NEBL: variants seen among roughly 807,000 people sequenced by gnomAD.
The protein encoded by NEBL is LIM and SH3 protein 2.
Under a neutral mutation model 140.2 loss-of-function variants are expected in NEBL, and 122 were observed. The observed-to-expected ratio is 0.87, with a 90% CI of 0.75 to 1.01. NEBL has a LOEUF of 1.01. Among genes scored for constraint, NEBL ranks in the 50% least tolerant of loss-of-function variants. The pLI, the probability that NEBL is intolerant of heterozygous loss-of-function variation, is 0.00. For synonymous variants in NEBL, 436 were observed against 398.9 expected, an observed-to-expected ratio of 1.09 and a Z score of -1.11; for missense variants, 1,365 against 1,231.3, an observed-to-expected ratio of 1.11 and a Z score of -1.62.
At chr10:20,871,027 T>A (rs1426676289) in intron 5 of NEBL, among the ~76,000 whole-genome samples, 1 of 152,214 alleles carries the variant, frequency 6.6e-6, no homozygotes, top group Non-Finnish European at 1.5e-5. Context: ...TATTTGGCAA[T>A]ATCCCCAGGG....
intron 23 of NEBL, chr10:20,813,641 A>G: frequency 3.2e-6 from 1 of 312,738 alleles, no homozygotes; most frequent in Non-Finnish European, 6.1e-6. Flanking sequence ...AACAGACCAA[A>G]TTTTGTCTTA....
chr10:20,799,717 A>G (rs953730719), intron 26 of NEBL, among the ~76,000 whole-genome samples: 3 of 152,220 alleles, frequency 2.0e-5, no homozygotes, highest in African/African-American at 7.2e-5. Flanking sequence ...ACCAATCAGT[A>G]GTCAGAAAAC....
At chr10:21,271,838 T>C (rs1240293355) in intron 1 of NEBL, among the ~76,000 whole-genome samples, 1 of 152,152 alleles carries the variant, frequency 6.6e-6, no homozygotes, top group Non-Finnish European at 1.5e-5. Flanking sequence ...GAATAGATCT[T>C]AAATGTTCCC....
intron 3 of NEBL, among the ~76,000 whole-genome samples, chr10:20,980,331 G>A (rs1836984873): frequency 7.2e-6 from 1 of 139,014 alleles, no homozygotes; most frequent in African/African-American, 2.7e-5. Flanking sequence ...TTTTGTTCCA[G>A]AACAAAAAGA....
chr10:21,141,320 T>A (rs968084733), intron 2 of NEBL, among the ~76,000 whole-genome samples: 9 of 152,184 alleles, frequency 5.9e-5, no homozygotes, highest in African/African-American at 2.2e-4. Flanking sequence ...AATGCCTTCG[T>A]TTTTAGGAAA....
intron 2 of NEBL, among the ~76,000 whole-genome samples, chr10:21,119,504 T>C (rs1838429193): frequency 6.7e-6 from 1 of 149,180 alleles, no homozygotes. Flanking sequence ...ATATAACATA[T>C]ATAGTTATAT....
intron 2 of NEBL, among the ~76,000 whole-genome samples, chr10:20,893,739 G>A (rs1182217417): frequency 6.6e-6 from 1 of 152,160 alleles, no homozygotes; most frequent in African/African-American, 2.4e-5. Flanking sequence ...AAGGGAAACG[G>A]CAAACTGAGA....
intron 11 of NEBL, among the ~76,000 whole-genome samples, chr10:20,850,012 G>T (rs1231834258): frequency 6.6e-6 from 1 of 151,920 alleles, no homozygotes; most frequent in African/African-American, 2.4e-5. Flanking sequence ...AAAAAAAAAG[G>T]GGGCCAGGTA....
chr10:20,828,143 T>G (rs974108209), intron 17 of NEBL, among the ~76,000 whole-genome samples: 2 of 152,152 alleles, frequency 1.3e-5, no homozygotes, highest in African/African-American at 4.8e-5. Context: ...TTTAGAAATT[T>G]ATTAAGAATG....
intron 2 of NEBL, among the ~76,000 whole-genome samples, chr10:21,046,903 CT>C (rs1208995663): frequency 6.6e-6 from 1 of 152,190 alleles, no homozygotes; most frequent in African/African-American, 2.4e-5. Context: ...CGCCCGGCCC[CT>C]AACCTCAATA....
At chr10:21,224,749 A>C (rs1842121274) in intron 3 of NEBL, among the ~76,000 whole-genome samples, 1 of 152,116 alleles carries the variant, frequency 6.6e-6, no homozygotes. Context: ...CTAAGTAGTT[A>C]ATTTAATTTG....
At chr10:20,937,701 G>A (rs1589041174) in intron 4 of NEBL, among the ~76,000 whole-genome samples, 1 of 152,248 alleles carries the variant, frequency 6.6e-6, no homozygotes, top group Non-Finnish European at 1.5e-5. Context: ...CAAAGAAAGG[G>A]GTGACAGATG....
chr10:21,063,274 A>C (rs1419227048), intron 2 of NEBL, among the ~76,000 whole-genome samples: 2 of 152,182 alleles, frequency 1.3e-5, no homozygotes, highest in East Asian at 3.9e-4. Flanking sequence ...CACTTGTCAT[A>C]TTCATGGCAA....
intron 3 of NEBL, among the ~76,000 whole-genome samples, chr10:21,233,301 G>C (rs1039461954): frequency 1.3e-5 from 2 of 152,046 alleles, no homozygotes; most frequent in Non-Finnish European, 2.9e-5. Context: ...GCCCGCCTTG[G>C]CCTCCCAAAG....
chr10:21,042,472 A>G (rs1423728529), intron 2 of NEBL, among the ~76,000 whole-genome samples: 6 of 152,252 alleles, frequency 3.9e-5, no homozygotes, highest in African/African-American at 1.4e-4. Context: ...ATGGTAATAT[A>G]AGCAAAGGTA....
At chr10:21,077,222 C>CA (rs55822856) in intron 2 of NEBL, among the ~76,000 whole-genome samples, 19,933 of 151,602 alleles carry the variant, frequency 0.13, 1,423 homozygotes, top group African/African-American at 0.19. Context: ...TACTTTTCTT[C>CA]AAAAAAAATA....
At chr10:21,198,728 G>A (rs1589325662) in intron 3 of NEBL, among the ~76,000 whole-genome samples, 1 of 152,168 alleles carries the variant, frequency 6.6e-6, no homozygotes, top group East Asian at 1.9e-4. Context: ...CCAGCCACTA[G>A]TGCCAGCTAC....
intron 4 of NEBL, among the ~76,000 whole-genome samples, chr10:20,932,118 A>G (rs972190228): frequency 2.0e-5 from 3 of 152,104 alleles, no homozygotes; most frequent in Admixed American, 1.3e-4. Flanking sequence ...ACTTAAATTC[A>G]TCTTCTTTTC....
rs1834118403 is a variant in NEBL, at chr10:21,038,659, C to A, written c.165-18458G>T. 1.3e-5 allele frequency among the ~76,000 whole-genome samples: 2 copies of A among 152,158 alleles called. 1 individual carries two copies. Among genetic ancestry groups the A allele is most frequent in the South Asian group, 4.1e-4 (2 of 4,826 alleles). On this transcript the variant is annotated intron_variant, in intron 2 of 6. Coordinates refer to the NEBL transcript ENST00000417816. ...CAAGTCTTTGCTATTGTAAATAGTG[C>A]TGCAATAAACATATGTGTGCATGAG...
Sources: allele counts gnomAD v4.1 joint callset (sites outside exome capture counted in the v4.1 genomes callset), GRCh38; gene constraint gnomAD v4.1.1; transcripts MANE v1.5; gene names NCBI Gene and HGNC (gene_info 2026-07-23, HGNC 2026-07-21).